The following GPC5 variants were observed in gnomAD, a reference collection of about 807,000 sequenced individuals.
GPC5 encodes glypican-5.
In GPC5, 47 loss-of-function variants were observed where a neutral mutation model predicts 53.9. The ratio of observed to expected loss-of-function variants is 0.87; its 90% confidence interval spans 0.69 to 1.11. The LOEUF (loss-of-function observed/expected upper bound fraction) is 1.11, where lower values mean the gene tolerates loss of function less well. GPC5 is among the 50% of genes most tolerant of loss of function. The pLI, the probability that GPC5 is intolerant of heterozygous loss-of-function variation, is 0.00. For synonymous variants in GPC5, 286 were observed against 263.3 expected, an observed-to-expected ratio of 1.09 and a Z score of -0.84; for missense variants, 748 against 713.1, an observed-to-expected ratio of 1.05 and a Z score of -0.56.
intron 7 of GPC5, among the ~76,000 whole-genome samples, chr13:92,658,725 G>C (rs1886220977): frequency 6.6e-6 from 1 of 152,040 alleles, no homozygotes; most frequent in Non-Finnish European, 1.5e-5. Context: ...TAAGGAAATA[G>C]AGATGAGGAA....
intron 7 of GPC5, among the ~76,000 whole-genome samples, chr13:92,403,948 TAAAAG>T (rs1265098687): frequency 6.6e-6 from 1 of 152,138 alleles, no homozygotes; most frequent in East Asian, 1.9e-4. Context: ...CTTTTAAAAA[TAAAAG>T]GTATTTGAAA....
At chr13:92,341,755 T>C (rs2043368503) in intron 7 of GPC5, among the ~76,000 whole-genome samples, 1 of 151,934 alleles carries the variant, frequency 6.6e-6, no homozygotes, top group African/African-American at 2.4e-5. Flanking sequence ...GACAACATAG[T>C]GAAACTTATT....
In GPC5 at chr13:92,589,545, C is replaced by T. The variant is rs531921148; in HGVS notation, c.1562-276737C>T. Among the ~76,000 whole-genome samples, 6 of 152,258 alleles carry T rather than the reference C, an allele frequency of 3.9e-5. No homozygotes were observed. In the East Asian group the frequency reaches 9.6e-4, roughly 24 times the overall value. Reference sequence around the variant, plus strand: ...TAAAAAATGTTTTATTCTTCCTAAACATCATAAAATTGTTAGTGAGCAGAA... The same window carrying T: ...TAAAAAATGTTTTATTCTTCCTAAATATCATAAAATTGTTAGTGAGCAGAA... On this transcript the variant is annotated intron_variant, in intron 7 of 7. Transcript: ENST00000377067.
At chr13:92,795,359 C>T (rs377588132) in intron 7 of GPC5, among the ~76,000 whole-genome samples, 20 of 152,082 alleles carry the variant, frequency 1.3e-4, no homozygotes, top group East Asian at 7.7e-4. Flanking sequence ...GGATCCCTTC[C>T]GTACACCTTA....
intron 3 of GPC5, among the ~76,000 whole-genome samples, chr13:91,727,525 CA>C (rs1168190975): frequency 1.3e-5 from 2 of 152,014 alleles, no homozygotes; most frequent in African/African-American, 2.4e-5. Context: ...ATGTGCTTTG[CA>C]AATACTAGAA....
At chr13:92,736,739 A>C (rs1888945462) in intron 7 of GPC5, among the ~76,000 whole-genome samples, 2 of 151,636 alleles carry the variant, frequency 1.3e-5, no homozygotes, top group Non-Finnish European at 1.5e-5. Flanking sequence ...TTGTCTCCCT[A>C]ACTCCCAGAA....
At chr13:92,377,760 G>C (rs917729837) in intron 7 of GPC5, among the ~76,000 whole-genome samples, 2 of 151,912 alleles carry the variant, frequency 1.3e-5, no homozygotes, top group African/African-American at 4.8e-5. Context: ...AATAACTCTT[G>C]ATGATCAAAG....
In GPC5 at chr13:92,171,490, A is replaced by G. The variant is rs141739320; in HGVS notation, c.1561+26501A>G. On this transcript the variant is annotated intron_variant, in intron 7 of 7. Transcript: ENST00000377067. ...AAATAGTTGTATACATTCTGAAATTACTGTTCTTGATATTCTTTTGCTCCT... is the reference window on the plus strand; with the variant it reads ...AAATAGTTGTATACATTCTGAAATTGCTGTTCTTGATATTCTTTTGCTCCT... 8.3e-3 allele frequency among the ~76,000 whole-genome samples: 1,264 copies of G among 152,186 alleles called. 16 individuals are homozygous for G. The highest frequency in any genetic ancestry group is 0.048 in the Middle Eastern group (14 of 292).
chr13:92,754,341 G>T (rs936040708), intron 7 of GPC5, among the ~76,000 whole-genome samples: 4 of 152,148 alleles, frequency 2.6e-5, no homozygotes, highest in African/African-American at 7.2e-5. Context: ...GCTAAACATG[G>T]AAATGCACAA....
At chr13:91,599,296 A>C (rs991495252) in intron 2 of GPC5, among the ~76,000 whole-genome samples, 1 of 152,134 alleles carries the variant, frequency 6.6e-6, no homozygotes, top group African/African-American at 2.4e-5. Context: ...TTATTTGTAT[A>C]CAGTTACTAA....
chr13:92,772,028 T>G (rs1304643848), intron 7 of GPC5, among the ~76,000 whole-genome samples: 1 of 152,144 alleles, frequency 6.6e-6, no homozygotes, highest in Non-Finnish European at 1.5e-5. Context: ...ATTCCCCCTT[T>G]TCTTTCACAC....
At chr13:92,251,712 G>A (rs2139129627) in intron 7 of GPC5, among the ~76,000 whole-genome samples, 1 of 152,228 alleles carries the variant, frequency 6.6e-6, no homozygotes, top group South Asian at 2.1e-4. Context: ...TTTAAACTGT[G>A]TGTTAATGGG....
chr13:91,586,877 A>G (rs1009981919), intron 2 of GPC5, among the ~76,000 whole-genome samples: 3 of 151,914 alleles, frequency 2.0e-5, no homozygotes, highest in African/African-American at 4.8e-5. Flanking sequence ...TAGATATGCA[A>G]CCTTACGATT....
intron 3 of GPC5, among the ~76,000 whole-genome samples, chr13:91,727,937 A>G (rs57382398): frequency 2.0e-5 from 3 of 152,130 alleles, no homozygotes; most frequent in East Asian, 3.8e-4. Flanking sequence ...GAAACAATAC[A>G]TTTTTCAATG....
At chr13:92,861,400 A>G (rs1879177539) in intron 7 of GPC5, among the ~76,000 whole-genome samples, 1 of 152,202 alleles carries the variant, frequency 6.6e-6, no homozygotes. Context: ...CCAACTGGTT[A>G]CACTCTCCTC....
intron 6 of GPC5, among the ~76,000 whole-genome samples, chr13:92,131,494 A>G (rs2041743005): frequency 6.6e-6 from 1 of 152,052 alleles, no homozygotes; most frequent in South Asian, 2.1e-4. Flanking sequence ...CCCTATTAAA[A>G]TTATAAAGTA....
chr13:92,657,579 G>GTTTTTTTTTTTTT (rs67038073), intron 7 of GPC5, among the ~76,000 whole-genome samples: 1 of 106,730 alleles, frequency 9.4e-6, no homozygotes, highest in Non-Finnish European at 1.8e-5. Flanking sequence ...AGGTTTTTTG[G>GTTTTTTTTTTTTT]TTTTTTTTTT....
chr13:91,883,983 C>A lies in GPC5; in HGVS notation c.1281-23954C>A, dbSNP rs1346637824. Among the ~76,000 whole-genome samples the A allele has an allele frequency of 2.0e-5, 3 of 151,854 alleles. No homozygotes were observed. The East Asian group carries it at 5.8e-4, about 29-fold the overall frequency. ...CAAAAGTAGACATACATGTAACCAA[C>A]AAACATATGAAAAAAATGCTCAATA... On this transcript the variant is annotated intron_variant, in intron 5 of 7. Transcript: ENST00000377067.
At chr13:91,717,848 C>T (rs1330412680) in intron 3 of GPC5, among the ~76,000 whole-genome samples, 2 of 152,114 alleles carry the variant, frequency 1.3e-5, no homozygotes, top group Non-Finnish European at 2.9e-5. Flanking sequence ...AGCCACCGCG[C>T]CTGGCCTGCT....
Sources: allele counts gnomAD v4.1 joint callset (sites outside exome capture counted in the v4.1 genomes callset), GRCh38; gene constraint gnomAD v4.1.1; transcripts MANE v1.5; gene names NCBI Gene and HGNC (gene_info 2026-07-23, HGNC 2026-07-21).